The following IFT88 variants were observed in gnomAD, a reference collection of about 807,000 sequenced individuals.
IFT88 encodes the protein intraflagellar transport 88.
Under a neutral mutation model 119.5 loss-of-function variants are expected in IFT88, and 74 were observed. The ratio of observed to expected loss-of-function variants is 0.62; its 90% CI spans 0.51 to 0.75. The LOEUF is 0.75. Among genes scored for constraint, IFT88 ranks in the 30% least tolerant of loss-of-function variants. The probability of loss-of-function intolerance (pLI) is 0.00; values close to 1 mark genes in which losing one functional copy is unlikely to be tolerated. For synonymous variants in IFT88, 279 were observed against 316.7 expected (o/e 0.88, Z 1.26); for missense variants, 961 against 977.7 (o/e 0.98, Z 0.23).
At chr13:20,568,170 C>T (rs2035333237) in intron 1 of IFT88, among the ~76,000 whole-genome samples, 1 of 151,558 alleles carries the variant, frequency 6.6e-6, no homozygotes, top group Non-Finnish European at 1.5e-5. Flanking sequence ...AAAAAACATA[C>T]CTTTCACTTA....
intron 14 of IFT88, among the ~76,000 whole-genome samples, chr13:20,617,058 C>T (rs2139693660): frequency 6.6e-6 from 1 of 152,260 alleles, no homozygotes; most frequent in African/African-American, 2.4e-5. Flanking sequence ...ATTCTCCTGC[C>T]TCAGCCTCCC....
intron 15 of IFT88, among the ~76,000 whole-genome samples, chr13:20,626,282 G>A (rs919849330): frequency 1.3e-5 from 2 of 151,716 alleles, no homozygotes; most frequent in African/African-American, 4.8e-5. Flanking sequence ...GGATGGTCTC[G>A]ATCTCCTGAC....
At chr13:20,577,897 C>T (rs1014431727) in intron 2 of IFT88, among the ~76,000 whole-genome samples, 5 of 152,022 alleles carry the variant, frequency 3.3e-5, no homozygotes, top group Non-Finnish European at 5.9e-5. Flanking sequence ...TCCTCTTTCT[C>T]TGTTTTTTGG....
At chr13:20,601,085 G>C (rs1029929022) in intron 11 of IFT88, among the ~76,000 whole-genome samples, 1 of 152,160 alleles carries the variant, frequency 6.6e-6, no homozygotes, top group African/African-American at 2.4e-5. Context: ...AGACTAATGG[G>C]CCGGGCACGG....
chr13:20,600,079 T>A (rs917004774), intron 11 of IFT88, among the ~76,000 whole-genome samples: 1 of 152,158 alleles, frequency 6.6e-6, no homozygotes, highest in African/African-American at 2.4e-5. Context: ...CCAAGATATT[T>A]ACTGATCATA....
intron 13 of IFT88, chr13:20,607,971 C>T: frequency 1.6e-6 from 1 of 607,700 alleles, no homozygotes; most frequent in Non-Finnish European, 3.2e-6. Context: ...AGCACCTCCT[C>T]CTGGCACCAC....
Position 20,596,248 on chromosome 13 carries a change from C to T in IFT88, c.489+8C>T, listed in dbSNP as rs2041620194. 7.4e-7 allele frequency: 1 copy of T among 1,342,358 alleles called. No homozygotes were observed. Among genetic ancestry groups the T allele is most frequent in the Non-Finnish European group, 1.0e-6 (1 of 960,904 alleles). 83.2% of individuals were successfully genotyped at this position (1,342,358 alleles called of 1,614,324 possible). ...TGTGGAGACTTAAAATTGGTAAGTT[C>T]ATAAACAAGATTCAAAATTATGAAG... On this transcript the variant is annotated splice_region_variant and intron_variant, in intron 8 of 25. Transcript: ENST00000351808.
At chr13:20,635,148 C>G (rs1318586498) in intron 16 of IFT88, among the ~76,000 whole-genome samples, 1 of 152,052 alleles carries the variant, frequency 6.6e-6, no homozygotes, top group East Asian at 1.9e-4. Flanking sequence ...TTTATGGCTG[C>G]ATAGTATTCC....
intron 13 of IFT88, 41 bp downstream of exon 13, chr13:20,605,146 A>G: frequency 1.3e-6 from 1 of 754,334 alleles, no homozygotes; most frequent in Non-Finnish European, 2.2e-6. Context: ...TAATTACATT[A>G]TTTAAAATAT....
chr13:20,659,229 C>T (rs2053393948), intron 22 of IFT88, among the ~76,000 whole-genome samples: 1 of 152,146 alleles, frequency 6.6e-6, no homozygotes, highest in Non-Finnish European at 1.5e-5. Context: ...CGTGATGGCT[C>T]ATGTCTGTAA....
At chr13:20,568,729 T>C (rs936249375) in intron 1 of IFT88, among the ~76,000 whole-genome samples, 2 of 152,166 alleles carry the variant, frequency 1.3e-5, no homozygotes, top group African/African-American at 4.8e-5. Context: ...CCTTTTTTTT[T>C]CTTTTTGAGA....
At chr13:20,591,524 TA>T in intron 5 of IFT88, 93 bp from the exon 6 acceptor site, 1 of 842,506 alleles carries the variant, frequency 1.2e-6, no homozygotes, top group Non-Finnish European at 1.8e-6. Flanking sequence ...AGCATTTTTT[TA>T]AATAGGGCTA....
chr13:20,578,034 CTTTTTTTTTTT>C (rs57202566), intron 2 of IFT88, among the ~76,000 whole-genome samples: 1 of 55,838 alleles, frequency 1.8e-5, no homozygotes, highest in Admixed American at 2.9e-4. Context: ...CTTGTTACTT[CTTTTTTTTTTT>C]TTTTTTTTTT....
chr13:20,615,837 T>A lies in IFT88; in HGVS notation c.1157T>A (p.Ile386Asn), dbSNP rs367557180. 6.2e-7 allele frequency: 1 copy of A among 1,609,220 alleles called. No homozygotes were observed. Among genetic ancestry groups the A allele is most frequent in the Non-Finnish European group, 8.5e-7 (1 of 1,177,892 alleles). ...EKYIMTSAKL[I>N]APVIETSFAA... ...TATATTATGACATCTGCAAAACTCATTGCTCCTGTAATTGAAACATCTTTT... is the reference window on the plus strand; with the variant it reads ...TATATTATGACATCTGCAAAACTCAATGCTCCTGTAATTGAAACATCTTTT... Residue 386 changes from isoleucine to asparagine, a missense_variant, in exon 14 of 26, where the codon ATT becomes AAT. Coordinates refer to ENST00000351808, the MANE Select transcript of IFT88 (RefSeq NM_006531.5).
At position 20,626,268 on chromosome 13, in the gene IFT88, G is replaced by A. The variant is rs147912876; in HGVS notation, c.1299+419G>A. On this transcript the variant is annotated intron_variant, in intron 15 of 25. Coordinates refer to ENST00000351808, the MANE Select transcript of IFT88 (RefSeq NM_006531.5). ...ATACAGATGGGGTTTCACCGTGTTA[G>A]CCAGGATGGTCTCGATCTCCTGACC... Among the ~76,000 whole-genome samples the A allele has an allele frequency of 7.0e-3, 1,061 of 151,952 alleles. 29 individuals carry two copies. In the South Asian group the frequency reaches 0.087, roughly 12 times the overall value.
chr13:20,571,610 T>C (rs1284809088), intron 1 of IFT88, among the ~76,000 whole-genome samples: 1 of 152,184 alleles, frequency 6.6e-6, no homozygotes, highest in East Asian at 1.9e-4. Flanking sequence ...ACATTTTTAT[T>C]TGGGAAGAAA....
At chr13:20,619,971 T>A (rs925492335) in intron 14 of IFT88, among the ~76,000 whole-genome samples, 1 of 152,200 alleles carries the variant, frequency 6.6e-6, no homozygotes, top group African/African-American at 2.4e-5. Context: ...TTTATATGTT[T>A]ATTTACCATA....
chr13:20,658,369 C>G (rs913010434), intron 22 of IFT88, among the ~76,000 whole-genome samples: 2 of 152,142 alleles, frequency 1.3e-5, no homozygotes, highest in African/African-American at 4.8e-5. Flanking sequence ...GTGTGAGCCA[C>G]CATGCCCGGC....
chr13:20,599,787 A>G (rs3825444), intron 11 of IFT88, among the ~76,000 whole-genome samples: 36,809 of 152,032 alleles, frequency 0.24, 5,747 homozygotes, highest in East Asian at 0.7. Context: ...AAATAAAACT[A>G]AGTGACCAAT....
Sources: gnomAD v4.1 joint callset for allele counts (sites outside exome capture counted in the v4.1 genomes callset) on GRCh38, gnomAD v4.1.1 for gene constraint, MANE v1.5 for transcripts, NCBI Gene and HGNC (gene_info 2026-07-23, HGNC 2026-07-21) for gene names.